Variants in SLC66A2 observed in about 807,000 individuals in gnomAD.
SLC66A2 encodes the protein solute carrier family 66 member 2.
In SLC66A2, 23 loss-of-function variants were observed where a neutral mutation model predicts 25.5. That is an observed-to-expected ratio of 0.90 (90% confidence interval 0.65 to 1.28). The LOEUF is 1.28. Ranked by LOEUF, SLC66A2 falls within the 50% of genes most tolerant of loss-of-function variation. The pLI, the probability that SLC66A2 is intolerant of heterozygous loss-of-function variation, is 0.00. For synonymous variants in SLC66A2, 193 were observed against 166.5 expected, an observed-to-expected ratio of 1.16 and a Z score of -1.23; for missense variants, 396 against 373.1, an observed-to-expected ratio of 1.06 and a Z score of -0.51.
At chr18:79,936,266 C>G (rs1388453579) in intron 3 of SLC66A2, among the ~76,000 whole-genome samples, 1 of 152,186 alleles carries the variant, frequency 6.6e-6, no homozygotes, top group Non-Finnish European at 1.5e-5. Context: ...GGCGAGCCCC[C>G]AATGGGAGGT....
In SLC66A2 at chr18:79,917,610, C is replaced by T. The variant is rs186544544; in HGVS notation, c.608+1574G>A. On this transcript the variant is annotated intron_variant, in intron 5 of 5. Transcript: ENST00000397778. The surrounding 1 kb of genome is among the most constrained non-coding windows in gnomAD (Gnocchi z 6.0). The stretch of plus-strand genomic sequence containing the variant: ...AGCCGGGGAGCCTACATACGACGCC[C>T]GCCCTGAGACCCACTTTCTCTCTGG... Among the ~76,000 whole-genome samples the T allele has an allele frequency of 2.6e-3, 396 of 152,238 alleles. 1 individual carries two copies. The highest frequency in any genetic ancestry group is 4.3e-3 in the Non-Finnish European group (289 of 67,990).
At chr18:79,936,309 G>A (rs1277730892) in intron 3 of SLC66A2, among the ~76,000 whole-genome samples, 2 of 152,220 alleles carry the variant, frequency 1.3e-5, no homozygotes, top group African/African-American at 2.4e-5. Context: ...CTAATGTGAC[G>A]TCCAAGAATC....
intron 3 of SLC66A2, among the ~76,000 whole-genome samples, chr18:79,942,563 A>G (rs575953535): frequency 1.3e-5 from 2 of 152,334 alleles, no homozygotes; most frequent in East Asian, 3.9e-4. Context: ...CTCTTCTCCA[A>G]GTGATAGCTG....
intron 3 of SLC66A2, among the ~76,000 whole-genome samples, chr18:79,942,991 G>T (rs72984213): frequency 3.9e-5 from 6 of 152,100 alleles, no homozygotes; most frequent in Non-Finnish European, 7.4e-5. Flanking sequence ...CGCCTGACCT[G>T]GTACCGTCTG....
At chr18:79,916,322 G>A (rs891013848) in intron 5 of SLC66A2, among the ~76,000 whole-genome samples, 14 of 144,716 alleles carry the variant, frequency 9.7e-5, no homozygotes, top group Middle Eastern at 3.5e-3. Flanking sequence ...TGGTGCTCCC[G>A]TACCCACAGT....
chr18:79,929,016 C>T (rs34233686), intron 4 of SLC66A2, among the ~76,000 whole-genome samples: 3,430 of 152,262 alleles, frequency 0.023, 51 homozygotes, highest in African/African-American at 0.036. Context: ...TAGAGAGCTC[C>T]GTAGCTCTCC....
chr18:79,948,929 T>TA (rs905905669), intron 2 of SLC66A2, among the ~76,000 whole-genome samples: 5 of 152,134 alleles, frequency 3.3e-5, no homozygotes, highest in South Asian at 2.1e-4. Context: ...CAGTCAACCT[T>TA]ACGCTCACTG....
chr18:79,934,640 G>A (rs1159643160), intron 3 of SLC66A2, among the ~76,000 whole-genome samples: 1 of 152,182 alleles, frequency 6.6e-6, no homozygotes, highest in African/African-American at 2.4e-5. Context: ...CTTCCTATCT[G>A]CGCAGCCCCA....
Position 79,919,363 on chromosome 18 carries a change from G to A in SLC66A2, c.429C>T (p.Phe143=). 1 of 1,613,248 alleles carries A rather than the reference G, an allele frequency of 6.2e-7. No individual in the cohort carries two copies. Among genetic ancestry groups the A allele is most frequent in the South Asian group, 1.1e-5 (1 of 91,090 alleles). Residue 143 remains phenylalanine (F), a synonymous_variant, in exon 5 of 6, where the codon TTC becomes TTT. Coordinates refer to ENST00000397778, the MANE Select transcript of SLC66A2 (RefSeq NM_025078.5). ...CCAGGACGCACTGCACGTAGTCCGA[G>A]AAGCTGCTCCACTGCCAGAAGTGGT... ...DPHHFWQWSS[F]SDYVQCVLAF...
In SLC66A2 at chr18:79,903,672, T is replaced by C; in HGVS notation, c.*304A>G. 4 of 386,624 alleles carry C rather than the reference T, an allele frequency of 1.0e-5. No individual in the cohort carries two copies. Among genetic ancestry groups the C allele is most frequent in the Admixed American group, 4.8e-5 (1 of 20,648 alleles). The allele number at this position is 386,624 out of a possible 1,614,324, so 23.9% of individuals were successfully genotyped here. A position where few individuals can be genotyped will look rare whatever the true frequency, so the allele number is the denominator to read the frequency against. ...TCCTGCAGGCCGCCCAATGTGTACC[T>C]TGGGCTCAGACGGTGTTTCATAAGA... On this transcript the variant is annotated 3_prime_UTR_variant, in exon 6 of 6. Coordinates refer to ENST00000397778, the MANE Select transcript of SLC66A2 (RefSeq NM_025078.5).
At chr18:79,919,126 T>C in intron 5 of SLC66A2, 58 bp downstream of exon 5, 1 of 1,461,656 alleles carries the variant, frequency 6.8e-7, no homozygotes, top group Non-Finnish European at 9.5e-7. Context: ...TTACCAAATC[T>C]GCAGCCATGT....
intron 5 of SLC66A2, among the ~76,000 whole-genome samples, chr18:79,905,713 T>C (rs1982024331): frequency 6.6e-6 from 1 of 152,254 alleles, no homozygotes; most frequent in African/African-American, 2.4e-5. Flanking sequence ...TTTCCCAGGA[T>C]GTGCTTGCGA....
intron 2 of SLC66A2, among the ~76,000 whole-genome samples, chr18:79,949,124 A>G (rs1037561672): frequency 6.6e-5 from 10 of 152,162 alleles, no homozygotes; most frequent in African/African-American, 2.4e-4. Flanking sequence ...TCCCTGCCTC[A>G]GAGACAACTC....
Position 79,934,032 on chromosome 18 carries a change from A to C in SLC66A2, c.338-10T>G. ...TCCTTGCTATCTGCAGCTACACGTT[A>C]AAAAGGGAGACAGAAACAGAAAGGG... On this transcript the variant is annotated splice_polypyrimidine_tract_variant and intron_variant, in intron 3 of 5. Coordinates refer to ENST00000397778, the MANE Select transcript of SLC66A2 (RefSeq NM_025078.5). 6.2e-7 allele frequency: 1 copy of C among 1,610,038 alleles called. No homozygotes were observed. Among genetic ancestry groups the C allele is most frequent in the Non-Finnish European group, 8.5e-7 (1 of 1,178,130 alleles).
chr18:79,905,918 AAG>A (rs1400266432), intron 5 of SLC66A2, among the ~76,000 whole-genome samples: 3 of 152,364 alleles, frequency 2.0e-5, no homozygotes, highest in East Asian at 1.9e-4. Context: ...TCTCTGGAAA[AAG>A]AGCCTTTTCA....
chr18:79,903,889 G>A lies in SLC66A2; in HGVS notation c.*87C>T, dbSNP rs1196133596. On this transcript the variant is annotated 3_prime_UTR_variant, in exon 6 of 6. Transcript: ENST00000397778. ...TGCCCCATCTCTGCCACACCTGCAG[G>A]GGCCACAGCACCCACCCTCCCCGCG... The A allele has an allele frequency of 2.4e-6, 3 of 1,253,692 alleles. No individual in the cohort carries two copies. The highest frequency in any genetic ancestry group is 3.3e-6 in the Non-Finnish European group (3 of 911,894). 77.7% of individuals were successfully genotyped at this position (1,253,692 alleles called of 1,614,324 possible).
rs1026301985 is a variant in SLC66A2 at position 79,940,345 on chromosome 18, G to A, written c.337+2984C>T. On this transcript the variant is annotated intron_variant, in intron 3 of 5. Coordinates refer to ENST00000397778, the MANE Select transcript of SLC66A2 (RefSeq NM_025078.5). The surrounding 1 kb of genome is among the most constrained non-coding windows in gnomAD (Gnocchi z 4.1). ...TGGCCGGGCGCAGTGGGTCACGCCC[G>A]TAATGCCAGCACTTCGGGAGGCCAA... is the stretch of plus-strand genomic sequence containing the variant. Among the ~76,000 whole-genome samples, 6 of 152,182 alleles carry A rather than the reference G, an allele frequency of 3.9e-5. No individual in the cohort carries two copies. The highest frequency in any genetic ancestry group is 1.2e-4 in the African/African-American group (5 of 41,448).
At position 79,937,384 on chromosome 18, in the gene SLC66A2, G is replaced by GT. The variant is rs1190623189; in HGVS notation, c.338-3363dup. On this transcript the variant is annotated intron_variant, in intron 3 of 5. Coordinates refer to ENST00000397778, the MANE Select transcript of SLC66A2 (RefSeq NM_025078.5). This position sits in a 1 kb window ranked among gnomAD's most constrained non-coding sequence, Gnocchi z 5.4. ...GGGAAGAACTGGAGCATTAACAAGCGTAATAATCCAGTAACACACCAAACG... is the reference window on the plus strand; with the variant it reads ...GGGAAGAACTGGAGCATTAACAAGCGTTAATAATCCAGTAACACACCAAACG... 1.3e-5 allele frequency among the ~76,000 whole-genome samples: 2 copies of GT among 152,172 alleles called. No homozygotes were observed. The highest frequency in any genetic ancestry group is 1.5e-5 in the Non-Finnish European group (1 of 68,030).
rs1394955940 is a variant in SLC66A2, at chr18:79,903,539, G to C, written c.*437C>G. 1 of 176,646 alleles carries C rather than the reference G, an allele frequency of 5.7e-6. No individual in the cohort carries two copies. The highest frequency in any genetic ancestry group is 2.4e-5 in the African/African-American group (1 of 41,854). 10.9% of individuals were successfully genotyped at this position (176,646 alleles called of 1,614,324 possible). On this transcript the variant is annotated 3_prime_UTR_variant, in exon 6 of 6. Coordinates refer to ENST00000397778, the MANE Select transcript of SLC66A2 (RefSeq NM_025078.5). The stretch of plus-strand genomic sequence containing the variant: ...CCAGTCCAAGCAGGGTGTCTGGCCA[G>C]GGTGTCACGGGGTCGAGGGCTCCGC...
Sources: allele counts gnomAD v4.1 joint callset (sites outside exome capture counted in the v4.1 genomes callset), GRCh38; gene constraint gnomAD v4.1.1; non-coding constraint Gnocchi (gnomAD v3.1); transcripts MANE v1.5; gene names NCBI Gene and HGNC (gene_info 2026-07-23, HGNC 2026-07-21).